CCDC148: variants seen among roughly 807,000 people sequenced by gnomAD.
CCDC148 encodes coiled-coil domain containing 148.
Under a neutral mutation model 85.7 loss-of-function variants are expected in CCDC148, and 89 were observed. That is an observed-to-expected ratio of 1.04 (90% CI 0.87 to 1.24). The LOEUF is 1.24. Ranked by LOEUF, CCDC148 falls within the 50% of genes most tolerant of loss-of-function variation. The pLI, the probability that CCDC148 is intolerant of heterozygous loss-of-function variation, is 0.00. For synonymous variants in CCDC148, 230 were observed against 213.9 expected, an observed-to-expected ratio of 1.08 and a Z score of -0.66; for missense variants, 692 against 671.7, an observed-to-expected ratio of 1.03 and a Z score of -0.33.
chr2:158,434,907 CGAGAA>C (rs1687564086), intron 1 of CCDC148, among the ~76,000 whole-genome samples: 1 of 151,934 alleles, frequency 6.6e-6, no homozygotes, highest in African/African-American at 2.4e-5. Flanking sequence ...TGAAATGAAG[CGAGAA>C]GAGAAGTTTA....
At chr2:158,279,818 T>C (rs966496422) in intron 9 of CCDC148, among the ~76,000 whole-genome samples, 9 of 151,506 alleles carry the variant, frequency 5.9e-5, no homozygotes, top group Non-Finnish European at 1.0e-4. Context: ...CCAAGACACA[T>C]AATTGTCAGA....
chr2:158,347,285 A>T (rs1683040895), intron 2 of CCDC148, among the ~76,000 whole-genome samples: 1 of 152,162 alleles, frequency 6.6e-6, no homozygotes, highest in Non-Finnish European at 1.5e-5. Flanking sequence ...TTTGAAAAAA[A>T]ATCAATGCTC....
intron 9 of CCDC148, among the ~76,000 whole-genome samples, chr2:158,255,615 T>C (rs1688981401): frequency 6.6e-6 from 1 of 151,678 alleles, no homozygotes; most frequent in Admixed American, 6.6e-5. Context: ...TACAATAGAC[T>C]AAAGCACAGA....
chr2:158,243,304 T>C (rs911975674), intron 10 of CCDC148, among the ~76,000 whole-genome samples: 3 of 152,154 alleles, frequency 2.0e-5, no homozygotes, highest in Admixed American at 2.0e-4. Context: ...TAGTAGGCAC[T>C]TGCATTTGAG....
At chr2:158,240,646 T>G (rs1688316875) in intron 10 of CCDC148, among the ~76,000 whole-genome samples, 1 of 152,032 alleles carries the variant, frequency 6.6e-6, no homozygotes, top group South Asian at 2.1e-4. Context: ...CAGGCAGCAC[T>G]CTGATTTTCC....
chr2:158,192,926 T>C (rs889812348), intron 11 of CCDC148, among the ~76,000 whole-genome samples: 2 of 152,054 alleles, frequency 1.3e-5, no homozygotes, highest in African/African-American at 4.8e-5. Context: ...AAGATTATAA[T>C]TTCTTAGAGA....
At chr2:158,348,200 AG>A (rs2105252486) in intron 2 of CCDC148, among the ~76,000 whole-genome samples, 1 of 152,238 alleles carries the variant, frequency 6.6e-6, no homozygotes, top group South Asian at 2.1e-4. Context: ...CATTTGTAAT[AG>A]AAAAAGATTA....
At chr2:158,321,757 C>T (rs1166978540) in intron 7 of CCDC148, among the ~76,000 whole-genome samples, 2 of 152,090 alleles carry the variant, frequency 1.3e-5, no homozygotes, top group African/African-American at 4.8e-5. Context: ...TTGAGTGTTG[C>T]CTTCTGATGC....
At chr2:158,209,337 G>A (rs1686429489) in intron 11 of CCDC148, among the ~76,000 whole-genome samples, 2 of 151,988 alleles carry the variant, frequency 1.3e-5, no homozygotes. Context: ...TAAAATCTTT[G>A]CAAAGTTTAT....
chr2:158,225,360 A>G (rs190615668), intron 10 of CCDC148, among the ~76,000 whole-genome samples: 57 of 152,274 alleles, frequency 3.7e-4, no homozygotes, highest in African/African-American at 1.3e-3. Context: ...ATAATGAGAG[A>G]CTTAAACACT....
intron 2 of CCDC148, among the ~76,000 whole-genome samples, chr2:158,350,093 C>T (rs1271560776): frequency 6.6e-6 from 1 of 152,068 alleles, no homozygotes; most frequent in Non-Finnish European, 1.5e-5. Context: ...ATTTAAAATG[C>T]CAGTTGAACG....
chr2:158,300,552 A>C (rs1329367188), intron 9 of CCDC148, among the ~76,000 whole-genome samples: 3 of 152,236 alleles, frequency 2.0e-5, no homozygotes, highest in Admixed American at 6.5e-5. Context: ...AAGATGAATG[A>C]GACTTATTCA....
chr2:158,207,333 G>T (rs960172508), intron 11 of CCDC148, among the ~76,000 whole-genome samples: 25 of 152,174 alleles, frequency 1.6e-4, no homozygotes, highest in African/African-American at 5.8e-4. Flanking sequence ...TATAAGAAGT[G>T]ATTTTGCTCT....
chr2:158,196,486 T>C (rs1205552210), intron 11 of CCDC148, among the ~76,000 whole-genome samples: 1 of 152,156 alleles, frequency 6.6e-6, no homozygotes, highest in Non-Finnish European at 1.5e-5. Flanking sequence ...TTATTTGCTG[T>C]GAATCCAGCC....
At chr2:158,239,380 T>C (rs536633999) in intron 10 of CCDC148, among the ~76,000 whole-genome samples, 1 of 151,886 alleles carries the variant, frequency 6.6e-6, no homozygotes, top group East Asian at 1.9e-4. Flanking sequence ...CATCAGCTTT[T>C]CTACCTTTTA....
intron 2 of CCDC148, among the ~76,000 whole-genome samples, chr2:158,357,651 C>T (rs1683730679): frequency 1.3e-5 from 2 of 152,120 alleles, no homozygotes; most frequent in South Asian, 2.1e-4. Flanking sequence ...TTTAAGTGGT[C>T]GCCTTAGTTT....
chr2:158,444,280 G>C (rs1019560235), intron 1 of CCDC148, among the ~76,000 whole-genome samples: 1 of 152,052 alleles, frequency 6.6e-6, no homozygotes, highest in African/African-American at 2.4e-5. Flanking sequence ...AAATCAAAAG[G>C]TTGAATAGAA....
At chr2:158,372,366 T>G (rs1403884706) in intron 1 of CCDC148, among the ~76,000 whole-genome samples, 1 of 151,972 alleles carries the variant, frequency 6.6e-6, no homozygotes, top group Non-Finnish European at 1.5e-5. Flanking sequence ...AAGTACTTAG[T>G]TATGAAGAAA....
chr2:158,312,812 A>C (rs939159646), intron 8 of CCDC148, among the ~76,000 whole-genome samples: 1 of 152,050 alleles, frequency 6.6e-6, no homozygotes, highest in Non-Finnish European at 1.5e-5. Context: ...AAAGGGGGAG[A>C]GGTGAAGAGG....
Sources: gnomAD v4.1 joint callset for allele counts (sites outside exome capture counted in the v4.1 genomes callset) on GRCh38, gnomAD v4.1.1 for gene constraint, MANE v1.5 for transcripts, NCBI Gene and HGNC (gene_info 2026-07-23, HGNC 2026-07-21) for gene names.